SLC24A3: variants seen among roughly 807,000 people sequenced by gnomAD.
SLC24A3 encodes solute carrier family 24 member 3, also known as sodium/potassium/calcium exchanger 3.
SLC24A3 carries 28 observed loss-of-function variants against 75.8 expected under a neutral mutation model. That is an observed-to-expected ratio of 0.37 (90% CI 0.27 to 0.51). SLC24A3 has a LOEUF of 0.51. Ranked by LOEUF, SLC24A3 falls within the 20% of genes least tolerant of loss-of-function variation. SLC24A3 has a pLI of 0.94. For missense variants in SLC24A3, 663 were observed against 847.8 expected (o/e 0.78, Z 2.71); for synonymous variants, 372 against 334.1 (o/e 1.11, Z -1.24).
chr20:19,512,677 G>A (rs768636565), intron 2 of SLC24A3, among the ~76,000 whole-genome samples: 41 of 152,234 alleles, frequency 2.7e-4, no homozygotes, highest in Non-Finnish European at 5.7e-4. Flanking sequence ...CCTCATGCAC[G>A]GGGCAGCAGT....
At chr20:19,590,619 C>T (rs374944058) in intron 6 of SLC24A3, among the ~76,000 whole-genome samples, 21 of 152,194 alleles carry the variant, frequency 1.4e-4, no homozygotes, top group South Asian at 1.2e-3. Flanking sequence ...CAGCGTGCTT[C>T]CGTACATGAT....
chr20:19,246,605 A>G (rs150204268), intron 1 of SLC24A3, among the ~76,000 whole-genome samples: 1 of 152,356 alleles, frequency 6.6e-6, no homozygotes, highest in African/African-American at 2.4e-5. Flanking sequence ...GAAGAGATGT[A>G]TAACACTAAA....
At chr20:19,534,708 A>G (rs1476493762) in intron 3 of SLC24A3, among the ~76,000 whole-genome samples, 4 of 152,310 alleles carry the variant, frequency 2.6e-5, no homozygotes, top group African/African-American at 7.2e-5. Context: ...CCTGGCCCCA[A>G]AAAGTATTTT....
chr20:19,672,979 T>C (rs979658397), intron 8 of SLC24A3, among the ~76,000 whole-genome samples: 8 of 152,346 alleles, frequency 5.3e-5, no homozygotes, highest in African/African-American at 1.9e-4. Flanking sequence ...TCCTGGTTTT[T>C]AGTTGGAAGC....
chr20:19,507,122 T>C (rs373708832), intron 2 of SLC24A3, among the ~76,000 whole-genome samples: 2 of 152,258 alleles, frequency 1.3e-5, no homozygotes, highest in African/African-American at 4.8e-5. Context: ...TTGTGGATAA[T>C]TTTGTTCAGG....
chr20:19,558,199 T>A (rs548949434), intron 3 of SLC24A3, among the ~76,000 whole-genome samples: 1 of 152,208 alleles, frequency 6.6e-6, no homozygotes, highest in Non-Finnish European at 1.5e-5. Context: ...TACTGACATA[T>A]AATTTTACAC....
At chr20:19,300,470 G>C (rs77254148) in intron 2 of SLC24A3, among the ~76,000 whole-genome samples, 3,195 of 152,272 alleles carry the variant, frequency 0.021, 46 homozygotes, top group African/African-American at 0.034. Flanking sequence ...ATTTCTGAGT[G>C]AGAACTACCT....
chr20:19,243,350 A>G (rs1158973653), intron 1 of SLC24A3, among the ~76,000 whole-genome samples: 2 of 152,254 alleles, frequency 1.3e-5, no homozygotes, highest in African/African-American at 4.8e-5. Flanking sequence ...AGGTGAGGGA[A>G]TAAGACACAT....
At chr20:19,381,350 A>G (rs764685299) in intron 2 of SLC24A3, among the ~76,000 whole-genome samples, 19 of 152,318 alleles carry the variant, frequency 1.2e-4, no homozygotes, top group Non-Finnish European at 2.1e-4. Context: ...GGCAGACGGT[A>G]ATAAGAGCTG....
At chr20:19,621,617 A>G (rs558164952) in intron 6 of SLC24A3, among the ~76,000 whole-genome samples, 11 of 152,212 alleles carry the variant, frequency 7.2e-5, no homozygotes, top group Admixed American at 3.9e-4. Flanking sequence ...CCATTTTATC[A>G]TGCACATGGA....
chr20:19,659,896 G>C (rs2032307389), intron 7 of SLC24A3, among the ~76,000 whole-genome samples: 1 of 152,160 alleles, frequency 6.6e-6, no homozygotes, highest in African/African-American at 2.4e-5. Flanking sequence ...AACAGCTCCA[G>C]CCACCCCCTG....
At chr20:19,699,664 G>A (rs893651470) in intron 15 of SLC24A3, among the ~76,000 whole-genome samples, 1 of 152,208 alleles carries the variant, frequency 6.6e-6, no homozygotes, top group Non-Finnish European at 1.5e-5. Flanking sequence ...CACAGGATAT[G>A]GGATAAAAGG....
At chr20:19,273,228 C>T (rs532373116) in intron 1 of SLC24A3, among the ~76,000 whole-genome samples, 1 of 152,272 alleles carries the variant, frequency 6.6e-6, no homozygotes, top group South Asian at 2.1e-4. Flanking sequence ...ATGTAGGGGT[C>T]GGTGTCATGT....
intron 1 of SLC24A3, among the ~76,000 whole-genome samples, chr20:19,278,134 C>G (rs575320930): frequency 6.6e-6 from 1 of 152,178 alleles, no homozygotes; most frequent in Admixed American, 6.5e-5. Flanking sequence ...CCTTGGACAT[C>G]CATGTGGCAG....
intron 2 of SLC24A3, among the ~76,000 whole-genome samples, chr20:19,462,690 C>T (rs1001568736): frequency 6.6e-6 from 1 of 152,146 alleles, no homozygotes; most frequent in African/African-American, 2.4e-5. Context: ...TCTGTCCAGC[C>T]AGAGAGAGGC....
At chr20:19,640,699 G>A (rs558438060) in intron 6 of SLC24A3, among the ~76,000 whole-genome samples, 26 of 152,270 alleles carry the variant, frequency 1.7e-4, no homozygotes, top group African/African-American at 3.6e-4. Context: ...GCAGTGAGCC[G>A]AGATCATGCC....
chr20:19,597,932 C>G (rs6081673), intron 6 of SLC24A3, among the ~76,000 whole-genome samples: 69,734 of 152,032 alleles, frequency 0.46, 17,094 homozygotes, highest in African/African-American at 0.63. Context: ...AAATAGTATT[C>G]CCTTGAATGT....
chr20:19,455,801 T>C (rs1365164650), intron 2 of SLC24A3, among the ~76,000 whole-genome samples: 3 of 152,228 alleles, frequency 2.0e-5, no homozygotes, highest in Non-Finnish European at 2.9e-5. Context: ...AATTTCACAG[T>C]CGCCTTCTGG....
intron 2 of SLC24A3, among the ~76,000 whole-genome samples, chr20:19,347,207 C>A (rs1218557903): frequency 6.6e-6 from 1 of 152,122 alleles, no homozygotes; most frequent in African/African-American, 2.4e-5. Context: ...TTGCTTGGGG[C>A]TCCAGGGGTA....
Sources: allele counts gnomAD v4.1 joint callset (sites outside exome capture counted in the v4.1 genomes callset), GRCh38; gene constraint gnomAD v4.1.1; transcripts MANE v1.5; gene names NCBI Gene and HGNC (gene_info 2026-07-23, HGNC 2026-07-21).